The following NRXN3 variants were observed in gnomAD, a reference collection of about 807,000 sequenced individuals.
NRXN3 encodes neurexin 3, also known as neurexin III.
A neutral mutation model predicts 137.6 loss-of-function variants in NRXN3; 32 were observed. The observed-to-expected ratio is 0.23, with a 90% confidence interval of 0.18 to 0.31. The LOEUF (loss-of-function observed/expected upper bound fraction) is 0.31, where lower values mean the gene tolerates loss of function less well. NRXN3 is among the 10% of genes least tolerant of loss of function. NRXN3 has a pLI of 1.00. For synonymous variants in NRXN3, 798 were observed against 784.5 expected, an observed-to-expected ratio of 1.02 and a Z score of -0.29; for missense variants, 1,574 against 2,062.5, an observed-to-expected ratio of 0.76 and a Z score of 4.59.
intron 10 of NRXN3, among the ~76,000 whole-genome samples, chr14:78,843,463 T>C (rs2152454503): frequency 6.6e-6 from 1 of 152,262 alleles, no homozygotes; most frequent in East Asian, 1.9e-4. Flanking sequence ...AACACATATT[T>C]ATTGAGAAAA....
At chr14:79,351,581 A>T (rs2093208887) in intron 15 of NRXN3, among the ~76,000 whole-genome samples, 1 of 152,218 alleles carries the variant, frequency 6.6e-6, no homozygotes, top group African/African-American at 2.4e-5. Flanking sequence ...TAATCTACAA[A>T]AGGAGGCTAT....
At chr14:78,525,980 G>T (rs77236002) in intron 4 of NRXN3, among the ~76,000 whole-genome samples, 4 of 152,130 alleles carry the variant, frequency 2.6e-5, no homozygotes, top group African/African-American at 9.7e-5. Context: ...TGACTGAAAG[G>T]GGATTCATAA....
intron 16 of NRXN3, among the ~76,000 whole-genome samples, chr14:79,583,835 C>A (rs2097741115): frequency 6.6e-6 from 1 of 152,070 alleles, no homozygotes; most frequent in South Asian, 2.1e-4. Context: ...AGGAATTCAG[C>A]AAAAGGATGA....
chr14:78,862,089 T>G (rs912858317), intron 10 of NRXN3, among the ~76,000 whole-genome samples: 8 of 152,126 alleles, frequency 5.3e-5, no homozygotes, highest in African/African-American at 1.9e-4. Context: ...TATTGAAGAA[T>G]GTCCTGAGGA....
At chr14:78,839,615 G>C (rs1037612898) in intron 10 of NRXN3, among the ~76,000 whole-genome samples, 1 of 152,162 alleles carries the variant, frequency 6.6e-6, no homozygotes, top group African/African-American at 2.4e-5. Flanking sequence ...CTTCGAGTGA[G>C]ATAAGGGATG....
chr14:78,827,823 T>G (rs745355392), intron 10 of NRXN3, among the ~76,000 whole-genome samples: 6 of 152,256 alleles, frequency 3.9e-5, no homozygotes, highest in Non-Finnish European at 8.8e-5. Flanking sequence ...TTTGGGGAAC[T>G]GAGCTAGACC....
chr14:79,794,014 C>T (rs2099153490), intron 19 of NRXN3, among the ~76,000 whole-genome samples: 1 of 152,312 alleles, frequency 6.6e-6, no homozygotes, highest in South Asian at 2.1e-4. Flanking sequence ...CCTACCGATG[C>T]ATCAGGTAGA....
At chr14:79,440,669 G>A (rs74248998) in intron 15 of NRXN3, among the ~76,000 whole-genome samples, 1,788 of 152,066 alleles carry the variant, frequency 0.012, 30 homozygotes, top group East Asian at 0.093. Context: ...AATATTTGTT[G>A]TTGTCATTGT....
intron 10 of NRXN3, among the ~76,000 whole-genome samples, chr14:78,895,875 C>T (rs1245788793): frequency 6.6e-6 from 1 of 151,808 alleles, no homozygotes; most frequent in African/African-American, 2.4e-5. Flanking sequence ...TCAGAAGACA[C>T]ACAACATTTA....
At chr14:79,001,078 TG>T (rs1475189939) in intron 15 of NRXN3, among the ~76,000 whole-genome samples, 1 of 152,196 alleles carries the variant, frequency 6.6e-6, no homozygotes, top group African/African-American at 2.4e-5. Flanking sequence ...TATTTGATTG[TG>T]GCTCTATTTC....
At chr14:79,142,204 G>A (rs7148687) in intron 15 of NRXN3, among the ~76,000 whole-genome samples, 149,436 of 152,208 alleles carry the variant, frequency 0.98, 73,414 homozygotes, top group Middle Eastern at 1. Flanking sequence ...CGAGGTGGAC[G>A]GGTCACAAAG....
chr14:79,117,023 T>C (rs1298761316), intron 15 of NRXN3, among the ~76,000 whole-genome samples: 1 of 152,192 alleles, frequency 6.6e-6, no homozygotes, highest in Non-Finnish European at 1.5e-5. Context: ...CTTTATCTAC[T>C]AGGAGATTCT....
intron 16 of NRXN3, among the ~76,000 whole-genome samples, chr14:79,585,993 T>A (rs1444754866): frequency 6.6e-6 from 1 of 152,222 alleles, no homozygotes; most frequent in East Asian, 1.9e-4. Context: ...GCGTAGCATA[T>A]GGTGCTCCCT....
intron 15 of NRXN3, among the ~76,000 whole-genome samples, chr14:79,167,156 T>C (rs2061355126): frequency 6.6e-6 from 1 of 152,064 alleles, no homozygotes; most frequent in Non-Finnish European, 1.5e-5. Flanking sequence ...GTAATATGAA[T>C]GTTACAGTGA....
chr14:79,668,703 G>A, intron 17 of NRXN3, among the ~76,000 whole-genome samples: 1 of 152,090 alleles, frequency 6.6e-6, no homozygotes, highest in East Asian at 1.9e-4. Context: ...TGGTGTGTAA[G>A]GAAGGGGGCG....
intron 10 of NRXN3, among the ~76,000 whole-genome samples, chr14:78,951,187 T>A (rs1394571434): frequency 6.6e-6 from 1 of 152,194 alleles, no homozygotes; most frequent in Non-Finnish European, 1.5e-5. Flanking sequence ...ATTATTTCAC[T>A]TTTGGTCTAA....
chr14:79,279,085 G>A (rs1466672416), intron 15 of NRXN3, among the ~76,000 whole-genome samples: 1 of 152,228 alleles, frequency 6.6e-6, no homozygotes, highest in Non-Finnish European at 1.5e-5. Flanking sequence ...AGCAGGGCAC[G>A]GGTGATAAAG....
At chr14:78,253,716 A>T (rs191899639) in intron 2 of NRXN3, among the ~76,000 whole-genome samples, 6 of 152,236 alleles carry the variant, frequency 3.9e-5, no homozygotes, top group Admixed American at 3.9e-4. Context: ...AATAAGTTTA[A>T]AGGGGACTTC....
intron 3 of NRXN3, among the ~76,000 whole-genome samples, chr14:78,289,028 G>A (rs370444639): frequency 6.6e-6 from 1 of 152,200 alleles, no homozygotes; most frequent in Non-Finnish European, 1.5e-5. Context: ...GTAGTATCAT[G>A]GAAGGGCAAA....
Sources: gnomAD v4.1 joint callset for allele counts (sites outside exome capture counted in the v4.1 genomes callset) on GRCh38, gnomAD v4.1.1 for gene constraint, MANE v1.5 for transcripts, NCBI Gene and HGNC (gene_info 2026-07-23, HGNC 2026-07-21) for gene names.